SEPTIN3: variants seen among roughly 807,000 people sequenced by gnomAD.
SEPTIN3 encodes the protein neuronal-specific septin-3.
SEPTIN3 carries 15 observed loss-of-function variants against 45.1 expected under a neutral mutation model. The ratio of observed to expected loss-of-function variants is 0.33; its 90% confidence interval spans 0.22 to 0.51. The LOEUF (loss-of-function observed/expected upper bound fraction) is 0.51. Ranked by LOEUF, SEPTIN3 falls within the 20% of genes least tolerant of loss-of-function variation. The pLI, the probability that SEPTIN3 is intolerant of heterozygous loss-of-function variation, is 0.97. For synonymous variants in SEPTIN3, 148 were observed against 164.8 expected (o/e 0.90, Z 0.78); for missense variants, 289 against 457.2 (o/e 0.63, Z 3.35).
intron 6 of SEPTIN3, 55 bp downstream of exon 6, chr22:41,987,814 G>C: frequency 1.9e-6 from 3 of 1,564,894 alleles, no homozygotes; most frequent in Non-Finnish European, 2.6e-6. Flanking sequence ...TATCATCTGT[G>C]CCCATCTGGA....
At chr22:41,985,112 C>T (rs1021208626) in intron 3 of SEPTIN3, among the ~76,000 whole-genome samples, 2 of 152,088 alleles carry the variant, frequency 1.3e-5, no homozygotes, top group Non-Finnish European at 2.9e-5. Context: ...CCTGTCTCGG[C>T]CTCCCAAAGT....
intron 7 of SEPTIN3, among the ~76,000 whole-genome samples, chr22:41,991,289 G>T (rs1341528007): frequency 6.6e-6 from 1 of 152,118 alleles, no homozygotes; most frequent in South Asian, 2.1e-4. Flanking sequence ...GTAAATCCCA[G>T]TCTCGCGGAC....
At chr22:41,978,132 T>G (rs1163584881) in intron 2 of SEPTIN3, among the ~76,000 whole-genome samples, 1 of 152,194 alleles carries the variant, frequency 6.6e-6, no homozygotes, top group East Asian at 1.9e-4. Flanking sequence ...TCTCAACAAT[T>G]CTACTCCCTT....
intron 2 of SEPTIN3, 72 bp from the exon 3 acceptor site, chr22:41,981,573 T>C: frequency 7.7e-7 from 1 of 1,301,382 alleles, no homozygotes; most frequent in Non-Finnish European, 1.1e-6. Context: ...AAGAGAAAAA[T>C]ACCATGGTTT....
chr22:41,977,117 C>T (rs1303172435), intron 2 of SEPTIN3: 1 of 1,577,826 alleles, frequency 6.3e-7, no homozygotes, highest in South Asian at 1.1e-5. Flanking sequence ...CAGGAGGAGG[C>T]TGCGGCCCCG....
intron 6 of SEPTIN3, among the ~76,000 whole-genome samples, chr22:41,988,839 G>A (rs1404628190): frequency 6.6e-6 from 1 of 152,144 alleles, no homozygotes; most frequent in African/African-American, 2.4e-5. Context: ...AGAACAAGAT[G>A]TACACACTAG....
chr22:41,973,240 G>A (rs1025855313), intron 2 of SEPTIN3, among the ~76,000 whole-genome samples: 4 of 152,104 alleles, frequency 2.6e-5, no homozygotes, highest in African/African-American at 7.2e-5. Flanking sequence ...AGAAGGTTTT[G>A]GCCAGGTGTG....
At chr22:41,987,341 T>C in intron 5 of SEPTIN3, 54 bp downstream of exon 5, 1 of 1,470,726 alleles carries the variant, frequency 6.8e-7, no homozygotes, top group Non-Finnish European at 9.4e-7. Flanking sequence ...GGAAGATACT[T>C]ACTATGGTGC....
chr22:41,979,412 C>T (rs934366230), intron 2 of SEPTIN3, among the ~76,000 whole-genome samples: 5 of 152,188 alleles, frequency 3.3e-5, no homozygotes, highest in Non-Finnish European at 5.9e-5. Flanking sequence ...GTGGCTCTAT[C>T]TTATAACACA....
chr22:41,996,727 C>T, intron 11 of SEPTIN3, 175 bp from the exon 12 acceptor site: 2 of 1,494,888 alleles, frequency 1.3e-6, no homozygotes, highest in South Asian at 2.7e-5. Flanking sequence ...GTATGGAGAC[C>T]TTGGACCAGC....
At chr22:41,988,391 G>A (rs541439252) in intron 6 of SEPTIN3, among the ~76,000 whole-genome samples, 1 of 152,120 alleles carries the variant, frequency 6.6e-6, no homozygotes, top group Non-Finnish European at 1.5e-5. Context: ...GAGATCCTAG[G>A]GGGCAGGCCA....
chr22:41,982,437 G>T (rs2078136892), intron 3 of SEPTIN3, among the ~76,000 whole-genome samples: 1 of 152,224 alleles, frequency 6.6e-6, no homozygotes, highest in Non-Finnish European at 1.5e-5. Context: ...GAACCCGGGA[G>T]GTGGAGGTTG....
Position 41,994,366 on chromosome 22 carries a change from C to T in SEPTIN3, c.2411+25C>T. 1 of 1,612,202 alleles carries T rather than the reference C, an allele frequency of 6.2e-7. No homozygotes were observed. The highest frequency in any genetic ancestry group is 8.5e-7 in the Non-Finnish European group (1 of 1,178,502). ...GGTAAGATGTCTCCCCTCCAGCTGT[C>T]CAGACAGCAGGTTGAATTATTTGGG... On this transcript the variant is annotated intron_variant, in intron 10 of 11. Coordinates refer to ENST00000644076, the MANE Select transcript of SEPTIN3 (RefSeq NM_001363845.2). This position sits in a 1 kb window ranked among gnomAD's most constrained non-coding sequence, Gnocchi z 4.2.
intron 4 of SEPTIN3, 52 bp from the exon 5 acceptor site, chr22:41,987,154 T>C: frequency 6.9e-7 from 1 of 1,451,122 alleles, no homozygotes; most frequent in South Asian, 1.3e-5. Context: ...GCCAGGTACC[T>C]GGGGTCAGCT....
rs2078457964 is a variant in SEPTIN3 at position 41,997,216 on chromosome 22, GC to G, written c.*252del. ...GCATCATCTGCGTCAGCCGGTCCTAGCCCATCTGCAGGGTGAAAGAACTCAT... is the reference window on the plus strand; with the variant it reads ...GCATCATCTGCGTCAGCCGGTCCTAGCCATCTGCAGGGTGAAAGAACTCAT... On this transcript the variant is annotated 3_prime_UTR_variant, in exon 12 of 12. Coordinates refer to ENST00000644076, the MANE Select transcript of SEPTIN3 (RefSeq NM_001363845.2). 1.6e-6 allele frequency: 1 copy of G among 619,052 alleles called. No individual in the cohort carries two copies. The highest frequency in any genetic ancestry group is 2.7e-6 in the Non-Finnish European group (1 of 375,418). 38.3% of individuals were successfully genotyped at this position (619,052 alleles called of 1,614,324 possible). A position where few individuals can be genotyped will look rare whatever the true frequency, so the allele number is the denominator to read the frequency against.
rs1464774940 is a variant in SEPTIN3 at position 41,994,644 on chromosome 22, A to G, written c.2435A>G (p.Glu812Gly). 6.2e-7 allele frequency: 1 copy of G among 1,614,014 alleles called. No individual in the cohort carries two copies. The highest frequency in any genetic ancestry group is 1.3e-5 in the African/African-American group (1 of 74,906). ...VIRTHLQDLK[E>G]VTHNIHYETY... Reference sequence around the variant, plus strand: ...AGGACCCACCTCCAGGACCTCAAGGAAGTGACACACAACATCCACTATGAG... The same window carrying G: ...AGGACCCACCTCCAGGACCTCAAGGGAGTGACACACAACATCCACTATGAG... Residue 812 changes from glutamate (E) to glycine (G), a missense_variant, in exon 11 of 12, where the codon GAA becomes GGA. This residue lies in a region of SEPTIN3 where 84 missense variants were observed against 114.7 expected (regional missense o/e 0.73). Transcript: ENST00000644076. This position sits in a 1 kb window ranked among gnomAD's most constrained non-coding sequence, Gnocchi z 4.2.
intron 8 of SEPTIN3, among the ~76,000 whole-genome samples, chr22:41,992,271 C>T (rs1371623986): frequency 3.3e-5 from 5 of 152,010 alleles, no homozygotes; most frequent in Admixed American, 6.6e-5. Context: ...CCCAGCTACT[C>T]GGGAGGCTGA....
chr22:41,974,724 A>G (rs1225785617), intron 2 of SEPTIN3, among the ~76,000 whole-genome samples: 1 of 151,624 alleles, frequency 6.6e-6, no homozygotes, highest in Non-Finnish European at 1.5e-5. Context: ...GTCTCTACTA[A>G]AAAATACAAA....
At chr22:41,983,539 T>C (rs1030733371) in intron 3 of SEPTIN3, among the ~76,000 whole-genome samples, 1 of 152,242 alleles carries the variant, frequency 6.6e-6, no homozygotes, top group Non-Finnish European at 1.5e-5. Context: ...CTGTCCTGAT[T>C]GTACCTCTTC....
Sources: gnomAD v4.1 joint callset for allele counts (sites outside exome capture counted in the v4.1 genomes callset) on GRCh38, gnomAD v4.1.1 for gene constraint, gnomAD v4.1.1 regional missense constraint, Gnocchi (gnomAD v3.1) non-coding constraint, MANE v1.5 for transcripts, NCBI Gene and HGNC (gene_info 2026-07-23, HGNC 2026-07-21) for gene names.